Variants in DYSF observed in about 807,000 individuals in gnomAD.
DYSF encodes the protein dystrophy-associated fer-1-like 1.
A neutral mutation model predicts 274.9 loss-of-function variants in DYSF; 212 were observed. That is an observed-to-expected ratio of 0.77 (90% CI 0.69 to 0.86). DYSF has a LOEUF of 0.86. Ranked by LOEUF, DYSF falls within the 40% of genes least tolerant of loss-of-function variation. DYSF has a pLI of 0.00. For missense variants in DYSF, 2,666 were observed against 2,783.2 expected (o/e 0.96, Z 0.95); for synonymous variants, 1,091 against 1,078.7 (o/e 1.01, Z -0.22).
chr2:71,663,276 GC>G (rs2094934684), intron 45 of DYSF, among the ~76,000 whole-genome samples: 1 of 152,208 alleles, frequency 6.6e-6, no homozygotes, highest in Admixed American at 6.5e-5. Flanking sequence ...TCCTCAGAGA[GC>G]CCCCCGTGAG....
chr2:71,561,667 C>A, intron 22 of DYSF, 85 bp from the exon 23 acceptor site: 1 of 1,538,770 alleles, frequency 6.5e-7, no homozygotes, highest in Non-Finnish European at 9.0e-7. Context: ...GTGGGGCCTG[C>A]TGTGAGAACC....
rs199901268 is a variant in DYSF, at chr2:71,682,482, C to T, written c.6174-48C>T. 14 of 1,613,416 alleles carry T rather than the reference C, an allele frequency of 8.7e-6. No individual in the cohort carries two copies. The East Asian group carries it at 3.1e-4, about 36-fold the overall frequency. On this transcript the variant is annotated intron_variant, in intron 54 of 55. Transcript: ENST00000410020. ...TGTTGAGAGAAGAGTTTGGAGAAAG[C>T]AGCCCTAGTAAAGGATGCCCAGTTG...
intron 46 of DYSF, among the ~76,000 whole-genome samples, chr2:71,664,669 C>G (rs1156734325): frequency 6.6e-6 from 1 of 152,172 alleles, no homozygotes; most frequent in Non-Finnish European, 1.5e-5. Flanking sequence ...GAACCAAGAA[C>G]CTGGCTCATC....
intron 17 of DYSF, among the ~76,000 whole-genome samples, chr2:71,543,030 G>T (rs1045360219): frequency 6.6e-6 from 1 of 151,624 alleles, no homozygotes; most frequent in Non-Finnish European, 1.5e-5. Context: ...GGATGGGGTG[G>T]CTGGCCGGGC....
intron 4 of DYSF, among the ~76,000 whole-genome samples, chr2:71,506,813 C>A (rs1482053919): frequency 6.6e-6 from 1 of 152,026 alleles, no homozygotes; most frequent in East Asian, 1.9e-4. Flanking sequence ...TGGGGCCCAC[C>A]TCCTAGTGCT....
intron 41 of DYSF, among the ~76,000 whole-genome samples, chr2:71,625,209 A>G (rs543912251): frequency 6.6e-6 from 1 of 152,196 alleles, no homozygotes; most frequent in African/African-American, 2.4e-5. Flanking sequence ...TATTCTAGAT[A>G]TCTTGGGTTA....
chr2:71,647,159 C>T (rs2094579612), intron 42 of DYSF, among the ~76,000 whole-genome samples: 1 of 152,070 alleles, frequency 6.6e-6, no homozygotes, highest in South Asian at 2.1e-4. Flanking sequence ...TTCTCCTTAA[C>T]TATCAAGCAG....
At chr2:71,568,452 C>T in intron 26 of DYSF, 114 bp downstream of exon 26, 1 of 1,401,478 alleles carries the variant, frequency 7.1e-7, no homozygotes, top group East Asian at 2.3e-5. Flanking sequence ...TGCTCCTGCG[C>T]TGGTCATAGG....
intron 41 of DYSF, among the ~76,000 whole-genome samples, chr2:71,628,115 T>C (rs1286568826): frequency 1.3e-5 from 2 of 152,134 alleles, no homozygotes; most frequent in Admixed American, 1.3e-4. Context: ...AATTAAAATA[T>C]TCCCCTCCTT....
intron 30 of DYSF, among the ~76,000 whole-genome samples, chr2:71,583,043 CAAAAAAAAAAAAAA>C (rs143738269): frequency 2.0e-5 from 1 of 49,934 alleles, no homozygotes; most frequent in Non-Finnish European, 3.6e-5. Context: ...GACTCCATCT[CAAAAAAAAAAAAAA>C]AAAAAAAAAA....
upstream of DYSF, among the ~76,000 whole-genome samples, chr2:71,464,963 T>G (rs2081439012): frequency 6.6e-6 from 1 of 151,692 alleles, no homozygotes; most frequent in Admixed American, 6.6e-5. Flanking sequence ...GGTGACCTGG[T>G]GGGGTTGAAG....
chr2:71,662,365 G>A (rs535141021), intron 45 of DYSF, among the ~76,000 whole-genome samples: 1 of 152,126 alleles, frequency 6.6e-6, no homozygotes, highest in Non-Finnish European at 1.5e-5. Flanking sequence ...ATGGAATCCC[G>A]AGCTCCCTGA....
At chr2:71,464,176 G>A (rs561559181), upstream of DYSF, among the ~76,000 whole-genome samples, 1 of 152,334 alleles carries the variant, frequency 6.6e-6, no homozygotes, top group South Asian at 2.1e-4. Context: ...GGGCAGGGAT[G>A]TGACTTATTC....
intron 17 of DYSF, among the ~76,000 whole-genome samples, chr2:71,543,008 C>G (rs989464249): frequency 5.9e-5 from 9 of 151,282 alleles, no homozygotes; most frequent in Non-Finnish European, 1.2e-4. Flanking sequence ...GGCTGCCCCC[C>G]ACCTCCCTCC....
At chr2:71,682,745 C>T (rs955415652) in intron 55 of DYSF, 68 bp downstream of exon 55, 5 of 1,558,096 alleles carry the variant, frequency 3.2e-6, no homozygotes, top group Non-Finnish European at 4.4e-6. Flanking sequence ...TCATTGTCCT[C>T]AAAGAGCTCT....
chr2:71,674,391 T>C, intron 52 of DYSF, 95 bp downstream of exon 52: 1 of 1,238,858 alleles, frequency 8.1e-7, no homozygotes, highest in Non-Finnish European at 1.2e-6. Context: ...TGGGGAAGCC[T>C]AGCAGGAGGA....
chr2:71,560,309 G>C (rs1159668009), intron 22 of DYSF, among the ~76,000 whole-genome samples: 1 of 151,828 alleles, frequency 6.6e-6, no homozygotes, highest in Non-Finnish European at 1.5e-5. Flanking sequence ...CCCGGCTCCC[G>C]ACCCGGGCTG....
chr2:71,558,656 C>T (rs2091499189), intron 22 of DYSF, among the ~76,000 whole-genome samples: 1 of 152,124 alleles, frequency 6.6e-6, no homozygotes, highest in Admixed American at 6.5e-5. Context: ...CTCTGCAGGG[C>T]TCTGCTCTTG....
chr2:71,571,554 ACG>A (rs1336046681), intron 29 of DYSF, among the ~76,000 whole-genome samples: 2 of 142,280 alleles, frequency 1.4e-5, no homozygotes, highest in Non-Finnish European at 1.5e-5. Flanking sequence ...CACCCAGCAC[ACG>A]CACAGATCAC....
Sources: allele counts gnomAD v4.1 joint callset (sites outside exome capture counted in the v4.1 genomes callset), GRCh38; gene constraint gnomAD v4.1.1; transcripts MANE v1.5; gene names NCBI Gene and HGNC (gene_info 2026-07-23, HGNC 2026-07-21).